KDR: variants seen among roughly 807,000 people sequenced by gnomAD.
KDR encodes the protein kinase insert domain receptor, also known as vascular endothelial growth factor receptor 2.
KDR carries 43 observed loss-of-function variants against 160.9 expected under a neutral mutation model. The ratio of observed to expected loss-of-function variants is 0.27; its 90% confidence interval spans 0.21 to 0.34. The LOEUF (loss-of-function observed/expected upper bound fraction) is 0.34, where lower values mean the gene tolerates loss of function less well. Among genes scored for constraint, KDR ranks in the 10% least tolerant of loss-of-function variants. The pLI, the probability that KDR is intolerant of heterozygous loss-of-function variation, is 1.00. For missense variants in KDR, 1,469 were observed against 1,666.4 expected (o/e 0.88, Z 2.06); for synonymous variants, 617 against 600.1 (o/e 1.03, Z -0.41).
rs568957983 is a variant in KDR, at chr4:55,087,765, C to T, written c.3511-7G>A. 3.7e-6 allele frequency: 6 copies of T among 1,613,988 alleles called. No individual in the cohort carries two copies. The South Asian group carries it at 6.6e-5, about 18-fold the overall frequency. On this transcript the variant is annotated splice_polypyrimidine_tract_variant and splice_region_variant and intron_variant, in intron 26 of 29. Transcript: ENST00000263923. ...CAATGTAGTCTTTGCCATCCTGAAA[C>T]AATAAACACAGAAGACTGTTGTTAT...
At position 55,113,325 on chromosome 4, in the gene KDR, T is replaced by C. The variant is rs777940889; in HGVS notation, c.955A>G (p.Ser319Gly). The C allele has an allele frequency of 6.2e-7, 1 of 1,614,138 alleles. No homozygotes were observed. The highest frequency in any genetic ancestry group is 8.5e-7 in the Non-Finnish European group (1 of 1,179,972). ...TTACCATGGACCCTGACAAATGTGC[T>C]GTTCTTCTTGGTCATCAGCCCACTG... is the stretch of plus-strand genomic sequence containing the variant. ...ASSGLMTKKN[S>G]TFVRVHEKPF... Residue 319 changes from serine (S) to glycine (G), a missense_variant, in exon 7 of 30, where the codon AGC becomes GGC. Coordinates refer to ENST00000263923, the MANE Select transcript of KDR (RefSeq NM_002253.4).
At chr4:55,083,433 C>G (rs1719784865) in intron 27 of KDR, among the ~76,000 whole-genome samples, 1 of 152,126 alleles carries the variant, frequency 6.6e-6, no homozygotes, top group Non-Finnish European at 1.5e-5. Flanking sequence ...GCTTATTGCT[C>G]TTAGGAAGAA....
chr4:55,099,129 C>A (rs147596588), intron 15 of KDR, among the ~76,000 whole-genome samples: 5 of 152,108 alleles, frequency 3.3e-5, no homozygotes, highest in Admixed American at 2.6e-4. Context: ...GATTCTCCCC[C>A]CTCAGCCTCC....
chr4:55,110,794 G>A (rs1578137353), intron 7 of KDR, 26 bp from the exon 8 acceptor site: 5 of 1,028,650 alleles, frequency 4.9e-6, no homozygotes, highest in Middle Eastern at 2.5e-4. Flanking sequence ...AAAAAAAAAA[G>A]GTCAACTTAC....
intron 7 of KDR, among the ~76,000 whole-genome samples, chr4:55,111,797 C>T (rs925831418): frequency 6.6e-6 from 1 of 152,188 alleles, no homozygotes; most frequent in African/African-American, 2.4e-5. Flanking sequence ...AGGGATGCCA[C>T]GTGACCTAGA....
rs755460230 is a variant in KDR at position 55,125,246 on chromosome 4, C to A, written c.48G>T (p.Glu16Asp). ...LLAVALWLCV[E>D]TRAASVGLPS... is the part of the protein sequence containing the mutation. ...CCTTACCCACAGAGGCGGCCCGGGTCTCCACGCAGAGCCACAGGGCGACGG... is the reference window on the plus strand; with the variant it reads ...CCTTACCCACAGAGGCGGCCCGGGTATCCACGCAGAGCCACAGGGCGACGG... The change falls in exon 1 of 30, where the codon GAG (glutamate) becomes GAT (aspartate). Residue 16 changes from glutamate to aspartate, a missense_variant. Physicochemically the swap from Glu to Asp is conservative, Grantham distance 45. This residue lies in a region of KDR where 792 missense variants were observed against 840.9 expected (regional missense o/e 0.94). Transcript: ENST00000263923. The A allele has an allele frequency of 1.9e-6, 3 of 1,612,842 alleles. No individual in the cohort carries two copies. Among genetic ancestry groups the A allele is most frequent in the African/African-American group, 2.7e-5 (2 of 74,930 alleles).
At chr4:55,102,645 G>T in intron 13 of KDR, 137 bp from the exon 14 acceptor site, 2 of 852,514 alleles carry the variant, frequency 2.3e-6, no homozygotes, top group Non-Finnish European at 1.9e-6. Context: ...AAATACACTG[G>T]TCACTGGGTA....
In KDR at chr4:55,097,718, G is replaced by A. The variant is rs1353154679; in HGVS notation, c.2558C>T (p.Ala853Val). The A allele has an allele frequency of 6.2e-7, 1 of 1,612,916 alleles. No homozygotes were observed. Among genetic ancestry groups the A allele is most frequent in the African/African-American group, 1.3e-5 (1 of 74,630 alleles). Residue 853 changes from alanine (A) to valine (V), a missense_variant, in exon 18 of 30, where the codon GCC becomes GTC. Ala to Val is a moderately conservative substitution (Grantham distance 64, BLOSUM62 0). This residue lies in a region of KDR where 151 missense variants were observed against 207.2 expected (regional missense o/e 0.73). Transcript: ENST00000263923. ...GAFGQVIEAD[A>V]FGIDKTATCR... ...AGTTGCTGTCTTGTCAATTCCAAAG[G>A]CATCTGCTTCAATCACTTGGCCAAA...
Position 55,092,617 on chromosome 4 carries a change from C to T in KDR, c.3069G>A (p.Lys1023=). Residue 1023 remains lysine, a splice_region_variant and synonymous_variant, in exon 22 of 30, where the codon AAG becomes AAA. Coordinates refer to ENST00000263923, the MANE Select transcript of KDR (RefSeq NM_002253.4). ...CTGATTTCCCCTCAACCTTTCTTAC[C>T]TTTCGCGATGCCAAGAACTCCATGC... The part of the protein sequence containing the change: ...AKGMEFLASR[K]CIHRDLAARN... 1 of 1,609,988 alleles carries T rather than the reference C, an allele frequency of 6.2e-7. No individual in the cohort carries two copies. The highest frequency in any genetic ancestry group is 1.3e-5 in the African/African-American group (1 of 74,968).
chr4:55,089,832 C>T (rs369949403), intron 23 of KDR, 30 bp from the exon 24 acceptor site: 15 of 1,608,390 alleles, frequency 9.3e-6, no homozygotes, highest in African/African-American at 1.3e-5. Flanking sequence ...GGATTCAGAA[C>T]CCAAATTAGC....
At chr4:55,109,055 A>G (rs552352887) in intron 9 of KDR, among the ~76,000 whole-genome samples, 1 of 150,866 alleles carries the variant, frequency 6.6e-6, no homozygotes, top group African/African-American at 2.4e-5. Flanking sequence ...CCCTACACCT[A>G]TGCTGCTTCT....
Position 55,094,677 on chromosome 4 carries a change from C to T in KDR, c.2971+125G>A, listed in dbSNP as rs965134222. 18 of 905,178 alleles carry T rather than the reference C, an allele frequency of 2.0e-5. No individual in the cohort carries two copies. The South Asian group carries it at 2.2e-4, about 11-fold the overall frequency. The allele number at this position is 905,178 out of a possible 1,614,324, so 56.1% of individuals were successfully genotyped here. On this transcript the variant is annotated intron_variant, in intron 21 of 29. Transcript: ENST00000263923. Reference sequence around the variant, plus strand: ...ATGGAGGCAGTCTATTATAGAAATTCAGGTCTCTTTCAAATTATGAGGTAG... The same window carrying T: ...ATGGAGGCAGTCTATTATAGAAATTTAGGTCTCTTTCAAATTATGAGGTAG...
At chr4:55,080,429 A>G (rs958384867) in intron 29 of KDR, among the ~76,000 whole-genome samples, 2 of 152,170 alleles carry the variant, frequency 1.3e-5, no homozygotes, top group Non-Finnish European at 2.9e-5. Flanking sequence ...AGTTCTCTCG[A>G]GTTATGCAAA....
At chr4:55,093,621 T>C (rs916157905) in intron 21 of KDR, among the ~76,000 whole-genome samples, 6 of 152,316 alleles carry the variant, frequency 3.9e-5, no homozygotes, top group Middle Eastern at 3.4e-3. Context: ...CACCTCCCCA[T>C]GTGCTTCTAG....
chr4:55,079,946 C>T lies in KDR; in HGVS notation c.4066G>A (p.Val1356Ile). 6.2e-7 allele frequency: 1 copy of T among 1,613,890 alleles called. No homozygotes were observed. Among genetic ancestry groups the T allele is most frequent in the Non-Finnish European group, 8.5e-7 (1 of 1,179,812 alleles). Residue 1356 changes from valine (V) to isoleucine (I), a missense_variant, in exon 30 of 30, where the codon GTT (valine) becomes ATT (isoleucine). Physicochemically the swap from Val to Ile is conservative, Grantham distance 29. Transcript: ENST00000263923. ...DSGTTLSSPP[V>I] The stretch of plus-strand genomic sequence containing the variant: ...GGGGGTGTGGATGCTTCCTTTTAAA[C>T]AGGAGGAGAGCTCAGTGTGGTCCCC...
chr4:55,080,026 A>G lies in KDR; in HGVS notation c.3986T>C (p.Leu1329Pro). 1 of 1,614,160 alleles carries G rather than the reference A, an allele frequency of 6.2e-7. No individual in the cohort carries two copies. The highest frequency in any genetic ancestry group is 8.5e-7 in the Non-Finnish European group (1 of 1,180,016). Residue 1329 changes from leucine (L) to proline (P), a missense_variant, in exon 30 of 30, where the codon CTG becomes CCG. This residue lies in a region of KDR where 229 missense variants were observed against 197.8 expected (regional missense o/e 1.16). Coordinates refer to ENST00000263923, the MANE Select transcript of KDR (RefSeq NM_002253.4). The stretch of plus-strand genomic sequence containing the variant: ...ACCGGTTTGCACTCCAATCTCTATC[A>G]GCTTTAAAAGTTCTGCTTCCTCACT... Reference protein sequence around the residue: ...YSSEEAELLKLIEIGVQTGST... With the variant: ...YSSEEAELLKPIEIGVQTGST...
chr4:55,106,672 A>G lies in KDR; in HGVS notation c.1536+15T>C, dbSNP rs1281778450. 1.3e-6 allele frequency: 2 copies of G among 1,520,748 alleles called. No individual in the cohort carries two copies. Among genetic ancestry groups the G allele is most frequent in the African/African-American group, 2.7e-5 (2 of 72,922 alleles). The allele number at this position is 1,520,748 out of a possible 1,614,324, so 94.2% of individuals were successfully genotyped here. ...AAGAGAGAGAGATTTTCAAATTTTAAAACTTCAAACTCACTTTGTTTTTTC... is the reference window on the plus strand; with the variant it reads ...AAGAGAGAGAGATTTTCAAATTTTAGAACTTCAAACTCACTTTGTTTTTTC... On this transcript the variant is annotated intron_variant, in intron 11 of 29. Coordinates refer to ENST00000263923, the MANE Select transcript of KDR (RefSeq NM_002253.4).
chr4:55,080,503 C>T (rs1010722210), intron 29 of KDR, among the ~76,000 whole-genome samples: 4 of 152,138 alleles, frequency 2.6e-5, no homozygotes, highest in South Asian at 2.1e-4. Flanking sequence ...CAGTGACAGG[C>T]GCCAAAGGGC....
In KDR at chr4:55,098,706, G is replaced by A. The variant is rs1193466702; in HGVS notation, c.2364C>T (p.Thr788=). ...GAAATTATTTTTTTACCCGCTTAAC[G>A]GTCCGTAGGATGATGACAAGAAGTA... ...FWLLLVIILR[T]VKRANGGELK... The change falls in exon 16 of 30, where the codon ACC becomes ACT. Residue 788 remains threonine (T), a synonymous_variant. Transcript: ENST00000263923. The A allele has an allele frequency of 7.5e-6, 12 of 1,610,622 alleles. No individual in the cohort carries two copies. The highest frequency in any genetic ancestry group is 5.3e-5 in the African/African-American group (4 of 74,776).
Sources: allele counts gnomAD v4.1 joint callset (sites outside exome capture counted in the v4.1 genomes callset), GRCh38; gene constraint gnomAD v4.1.1; regional missense constraint gnomAD v4.1.1; transcripts MANE v1.5; gene names NCBI Gene and HGNC (gene_info 2026-07-23, HGNC 2026-07-21).